PINX1: variants seen among roughly 807,000 people sequenced by gnomAD.
PINX1 encodes the protein PIN2 (TERF1) interacting telomerase inhibitor 1.
A neutral mutation model predicts 25.4 loss-of-function variants in PINX1; 34 were observed. The observed-to-expected ratio is 1.34, with a 90% CI of 1.02 to 1.78. The LOEUF (loss-of-function observed/expected upper bound fraction) is 1.78, where lower values mean the gene tolerates loss of function less well. Among genes scored for constraint, PINX1 ranks in the 40% most tolerant of loss-of-function variants. PINX1 has a pLI of 0.00. For synonymous variants in PINX1, 197 were observed against 147.7 expected, an observed-to-expected ratio of 1.33 and a Z score of -2.42; for missense variants, 592 against 404.9, an observed-to-expected ratio of 1.46 and a Z score of -3.97.
chr8:10,793,405 T>C (rs900138601), intron 6 of PINX1, among the ~76,000 whole-genome samples: 3 of 152,212 alleles, frequency 2.0e-5, no homozygotes, highest in African/African-American at 7.2e-5. Context: ...AAGAATTGTC[T>C]TGGGCCATCC....
At chr8:10,839,669 G>C (rs749820097) in intron 1 of PINX1, 69 bp downstream of exon 1, 43 of 1,515,354 alleles carry the variant, frequency 2.8e-5, no homozygotes, top group Non-Finnish European at 3.4e-5. Flanking sequence ...AGCCACTCCG[G>C]GCTGCCGTGC....
chr8:10,831,230 A>G (rs34535545), intron 4 of PINX1, among the ~76,000 whole-genome samples: 10,473 of 152,286 alleles, frequency 0.069, 438 homozygotes, highest in South Asian at 0.11. Flanking sequence ...AAAAGCTAAA[A>G]GAGTTGAGCT....
At chr8:10,786,460 A>G (rs949669044) in intron 6 of PINX1, among the ~76,000 whole-genome samples, 1 of 152,180 alleles carries the variant, frequency 6.6e-6, no homozygotes, top group Non-Finnish European at 1.5e-5. Context: ...AGACAGTGTG[A>G]GCAGAACTAT....
chr8:10,773,190 G>A (rs1226666392), intron 6 of PINX1, among the ~76,000 whole-genome samples: 1 of 152,136 alleles, frequency 6.6e-6, no homozygotes, highest in Non-Finnish European at 1.5e-5. Flanking sequence ...AGTGGCAGGT[G>A]CTTTTCCAGT....
chr8:10,782,455 G>A (rs1266484628), intron 6 of PINX1, among the ~76,000 whole-genome samples: 2 of 151,986 alleles, frequency 1.3e-5, no homozygotes, highest in African/African-American at 2.4e-5. Context: ...GTACTCAGAG[G>A]CCAGGCGCAG....
chr8:10,770,245 C>A (rs1801181866), intron 6 of PINX1, among the ~76,000 whole-genome samples: 1 of 152,224 alleles, frequency 6.6e-6, no homozygotes, highest in African/African-American at 2.4e-5. Flanking sequence ...GTTTCCTCAT[C>A]AGCAACAGGT....
chr8:10,829,448 T>C (rs747167081), intron 4 of PINX1, among the ~76,000 whole-genome samples: 1 of 152,128 alleles, frequency 6.6e-6, no homozygotes, highest in African/African-American at 2.4e-5. Context: ...TCTGCTTGCT[T>C]TTCTTAGATG....
chr8:10,801,957 T>A (rs1330561417), intron 6 of PINX1, among the ~76,000 whole-genome samples: 2 of 152,014 alleles, frequency 1.3e-5, no homozygotes, highest in Non-Finnish European at 2.9e-5. Context: ...AATGCAGCAA[T>A]CTCACAGTAC....
At chr8:10,816,573 C>A (rs1250233668) in intron 6 of PINX1, among the ~76,000 whole-genome samples, 1 of 152,248 alleles carries the variant, frequency 6.6e-6, no homozygotes, top group Non-Finnish European at 1.5e-5. Context: ...CCCCTAACAG[C>A]TCACCTCTGA....
chr8:10,800,471 T>TA lies in PINX1; in HGVS notation c.471+19721_471+19722insT, dbSNP rs1491129625. The stretch of plus-strand genomic sequence containing the variant: ...TTACATGATCTGACTGAGAATAAAC[T>TA]TTTTTTTTTTTTTTTTGAGAGCAAG... On this transcript the variant is annotated intron_variant, in intron 6 of 6. Coordinates refer to ENST00000314787, the MANE Select transcript of PINX1 (RefSeq NM_017884.6). 6.0e-5 allele frequency among the ~76,000 whole-genome samples: 5 copies of TA among 83,892 alleles called. No individual in the cohort carries two copies. In the East Asian group the frequency reaches 2.2e-3, roughly 38 times the overall value. The allele number at this position is 83,892 out of a possible 152,430, so 55.0% of individuals were successfully genotyped here.
chr8:10,813,321 G>A (rs1352027122), intron 6 of PINX1, among the ~76,000 whole-genome samples: 2 of 152,134 alleles, frequency 1.3e-5, no homozygotes, highest in Non-Finnish European at 2.9e-5. Flanking sequence ...GGGTATCAGT[G>A]TGAAAATTCA....
intron 6 of PINX1, among the ~76,000 whole-genome samples, chr8:10,774,805 AAAATATTTGAG>A (rs1801337734): frequency 6.6e-6 from 1 of 152,244 alleles, no homozygotes; most frequent in African/African-American, 2.4e-5. Flanking sequence ...GTAGCAAATA[AAAATATTTGAG>A]AAATATTTTT....
At chr8:10,833,470 G>T (rs1299578762) in intron 2 of PINX1, 1 of 155,926 alleles carries the variant, frequency 6.4e-6, no homozygotes, top group Non-Finnish European at 1.4e-5. Flanking sequence ...GAGGAAGGGA[G>T]GCAGCTGAGA....
chr8:10,765,962 C>A, intron 6 of PINX1, 46 bp from the exon 7 acceptor site: 1 of 1,581,510 alleles, frequency 6.3e-7, no homozygotes, highest in South Asian at 1.1e-5. Flanking sequence ...ATCAACTGTT[C>A]ATCCCTCACC....
intron 6 of PINX1, among the ~76,000 whole-genome samples, chr8:10,774,647 T>C (rs903312752): frequency 2.6e-5 from 4 of 152,240 alleles, no homozygotes; most frequent in African/African-American, 9.6e-5. Flanking sequence ...CATAGTTACA[T>C]GGAATAATTA....
chr8:10,834,857 T>G, intron 1 of PINX1, 82 bp from the exon 2 acceptor site: 1 of 850,100 alleles, frequency 1.2e-6, no homozygotes, highest in Non-Finnish European at 1.9e-6. Flanking sequence ...CACAACTTTG[T>G]GTATTTTATG....
chr8:10,834,842 A>C, intron 1 of PINX1, 67 bp from the exon 2 acceptor site: 2 of 1,057,282 alleles, frequency 1.9e-6, no homozygotes, highest in Non-Finnish European at 1.4e-6. Flanking sequence ...ACAAACATAC[A>C]CATGCACAAC....
In PINX1 at chr8:10,799,759, G is replaced by A. The variant is rs150868062; in HGVS notation, c.471+20434C>T. 1.9e-3 allele frequency among the ~76,000 whole-genome samples: 293 copies of A among 152,310 alleles called. 1 individual carries two copies. The highest frequency in any genetic ancestry group is 6.9e-3 in the African/African-American group (287 of 41,570). On this transcript the variant is annotated intron_variant, in intron 6 of 6. Coordinates refer to ENST00000314787, the MANE Select transcript of PINX1 (RefSeq NM_017884.6). ...GGCCATTAGGTAAGAGGAGCCGCTGGCAGGGGATCAAGGGAGGACAATGTC... is the reference window on the plus strand; with the variant it reads ...GGCCATTAGGTAAGAGGAGCCGCTGACAGGGGATCAAGGGAGGACAATGTC...
chr8:10,831,842 A>T lies in PINX1; in HGVS notation c.223-99T>A. 3 of 684,784 alleles carry T rather than the reference A, an allele frequency of 4.4e-6. No homozygotes were observed. The East Asian group carries it at 8.2e-5, about 19-fold the overall frequency. The allele number at this position is 684,784 out of a possible 1,614,324, so 42.4% of individuals were successfully genotyped here. A position where few individuals can be genotyped will look rare whatever the true frequency, so the allele number is the denominator to read the frequency against. On this transcript the variant is annotated intron_variant, in intron 3 of 6. Transcript: ENST00000314787. ...AATCAAGGAAATCCAGTGGTTAATT[A>T]AGAAATTTTAAATGTTCCATCAAAA... is the stretch of plus-strand genomic sequence containing the variant.
Sources: gnomAD v4.1 joint callset for allele counts (sites outside exome capture counted in the v4.1 genomes callset) on GRCh38, gnomAD v4.1.1 for gene constraint, MANE v1.5 for transcripts, NCBI Gene and HGNC (gene_info 2026-07-23, HGNC 2026-07-21) for gene names.